The following RHOT1 variants were observed in gnomAD, a reference collection of about 807,000 sequenced individuals.
The protein encoded by RHOT1 is mitochondrial Rho GTPase 1.
In RHOT1, 27 loss-of-function variants were observed where a neutral mutation model predicts 95.3. The observed-to-expected ratio is 0.28, with a 90% CI of 0.21 to 0.39. The LOEUF is 0.39. RHOT1 is among the 10% of genes least tolerant of loss of function. The pLI, the probability that RHOT1 is intolerant of heterozygous loss-of-function variation, is 1.00. For missense variants in RHOT1, 578 were observed against 786.7 expected, an observed-to-expected ratio of 0.73 and a Z score of 3.17; for synonymous variants, 227 against 263.5, an observed-to-expected ratio of 0.86 and a Z score of 1.34.
At position 32,209,347 on chromosome 17, in the gene RHOT1, CAG is replaced by C. The variant is rs1481523102; in HGVS notation, c.1739+1043_1739+1044del. On this transcript the variant is annotated intron_variant, in intron 18 of 19. Transcript: ENST00000545287. ...TTAAAACTCTCATGTATGTTATCTA[CAG>C]AGAGGATCATTACAGAGACAGACTC... 2.6e-6 allele frequency: 4 copies of C among 1,566,042 alleles called. No homozygotes were observed. In the South Asian group the frequency reaches 4.5e-5, roughly 18 times the overall value.
At chr17:32,167,921 C>A (rs1479817587) in intron 1 of RHOT1, among the ~76,000 whole-genome samples, 1 of 151,992 alleles carries the variant, frequency 6.6e-6, no homozygotes, top group Non-Finnish European at 1.5e-5. Context: ...GTGATACTAG[C>A]TACTCAGGAG....
At chr17:32,154,543 C>T (rs1449230910) in intron 1 of RHOT1, among the ~76,000 whole-genome samples, 7 of 144,000 alleles carry the variant, frequency 4.9e-5, no homozygotes, top group East Asian at 2.1e-4. Flanking sequence ...GCAGAGACGG[C>T]GCCACTGCAC....
At chr17:32,173,758 T>C in intron 2 of RHOT1, 73 bp from the exon 3 acceptor site, 1 of 987,372 alleles carries the variant, frequency 1.0e-6, no homozygotes, top group Non-Finnish European at 1.6e-6. Flanking sequence ...GATAAATTTA[T>C]ATCATCTATT....
intron 1 of RHOT1, among the ~76,000 whole-genome samples, chr17:32,168,412 AGT>A (rs549931901): frequency 3.3e-5 from 5 of 152,050 alleles, no homozygotes; most frequent in African/African-American, 9.6e-5. Flanking sequence ...TGGGACTACA[AGT>A]GTGTGCCACC....
chr17:32,162,676 T>G (rs904808775), intron 1 of RHOT1, among the ~76,000 whole-genome samples: 1 of 152,206 alleles, frequency 6.6e-6, no homozygotes, highest in African/African-American at 2.4e-5. Context: ...CCTTTTCCCA[T>G]TCATGTAAAA....
At chr17:32,165,678 T>C (rs1183803825) in intron 1 of RHOT1, among the ~76,000 whole-genome samples, 2 of 152,218 alleles carry the variant, frequency 1.3e-5, no homozygotes, top group Admixed American at 6.5e-5. Context: ...TGTTGACTTA[T>C]ACCTGCATAA....
Position 32,224,648 on chromosome 17 carries a change from C to A in RHOT1, c.1895C>A (p.Thr632Lys), listed in dbSNP as rs147592052. The change falls in exon 20 of 20, where the codon ACG (threonine) becomes AAG (lysine). Residue 632 changes from threonine (T) to lysine (K), a missense_variant. By Grantham distance (78) the Thr-to-Lys change is moderately conservative (BLOSUM62 -1). Coordinates refer to ENST00000545287, the MANE Select transcript of RHOT1 (RefSeq NM_001033566.3). ...ACACAAGCTGACCTCAAGAGCTCCA[C>A]GTTTTGGCTTCGAGCAAGTTTTGGT... ...HVTQADLKSS[T>K]FWLRASFGAT... 6.2e-7 allele frequency: 1 copy of A among 1,613,494 alleles called. No homozygotes were observed. The highest frequency in any genetic ancestry group is 8.5e-7 in the Non-Finnish European group (1 of 1,179,650).
intron 6 of RHOT1, chr17:32,179,031 GC>G: frequency 6.7e-6 from 1 of 149,350 alleles, no homozygotes; most frequent in Non-Finnish European, 1.4e-5. Context: ...CTGCCTGGCC[GC>G]CCCGTCTGGG....
intron 15 of RHOT1, 134 bp downstream of exon 15, chr17:32,203,034 A>G (rs1203916726): frequency 2.5e-6 from 2 of 801,198 alleles, no homozygotes. Context: ...AGTACAGTCT[A>G]AATGTAACAG....
intron 6 of RHOT1, 133 bp downstream of exon 6, chr17:32,176,346 TTATC>T (rs2034998656): frequency 1.4e-6 from 1 of 691,902 alleles, no homozygotes. Context: ...CACGTTTGCC[TTATC>T]TATCAGTTTT....
intron 1 of RHOT1, chr17:32,151,210 C>A (rs2032248157): frequency 2.7e-6 from 2 of 754,154 alleles, no homozygotes; most frequent in East Asian, 2.6e-5. Context: ...GGAACATGGT[C>A]TGGCTAAACA....
chr17:32,207,151 C>T, intron 17 of RHOT1, 122 bp downstream of exon 17: 1 of 877,976 alleles, frequency 1.1e-6, no homozygotes, highest in Non-Finnish European at 1.7e-6. Context: ...AAAATACATA[C>T]ATCTTTACCC....
chr17:32,176,492 T>G (rs2035011793), intron 6 of RHOT1, among the ~76,000 whole-genome samples: 1 of 152,136 alleles, frequency 6.6e-6, no homozygotes, highest in Non-Finnish European at 1.5e-5. Context: ...ATTATTTTGG[T>G]CATAAATCTT....
At chr17:32,158,126 G>A (rs934915193) in intron 1 of RHOT1, among the ~76,000 whole-genome samples, 1 of 152,176 alleles carries the variant, frequency 6.6e-6, no homozygotes, top group Non-Finnish European at 1.5e-5. Context: ...AAAGTGCTGG[G>A]ATTACAGGCA....
At chr17:32,184,749 C>G (rs974515247) in intron 8 of RHOT1, among the ~76,000 whole-genome samples, 8 of 152,106 alleles carry the variant, frequency 5.3e-5, no homozygotes, top group Non-Finnish European at 1.0e-4. Context: ...CTTCCCGCCT[C>G]CACCTCTGCC....
intron 1 of RHOT1, among the ~76,000 whole-genome samples, chr17:32,162,592 T>C (rs1488480095): frequency 6.6e-6 from 1 of 152,130 alleles, no homozygotes; most frequent in Non-Finnish European, 1.5e-5. Flanking sequence ...ATGTCGAAAA[T>C]AACAGCAGTA....
intron 19 of RHOT1, among the ~76,000 whole-genome samples, chr17:32,211,703 AC>A (rs1416378806): frequency 6.6e-6 from 1 of 152,174 alleles, no homozygotes; most frequent in African/African-American, 2.4e-5. Flanking sequence ...TATTCTTGAA[AC>A]CATTTATAAT....
intron 8 of RHOT1, among the ~76,000 whole-genome samples, chr17:32,184,247 G>A (rs778498664): frequency 5.9e-5 from 9 of 151,532 alleles, no homozygotes; most frequent in Non-Finnish European, 8.8e-5. Context: ...CTATTGTCCC[G>A]TTACTCAGCC....
At position 32,194,069 on chromosome 17, in the gene RHOT1, T is replaced by C; in HGVS notation, c.831T>C (p.Asp277=). The C allele has an allele frequency of 6.2e-7, 1 of 1,614,198 alleles. No individual in the cohort carries two copies. The highest frequency in any genetic ancestry group is 8.5e-7 in the Non-Finnish European group (1 of 1,180,024). Residue 277 remains aspartate (D), a synonymous_variant, in exon 11 of 20, where the codon GAT becomes GAC. Transcript: ENST00000545287. ...CTGTGCTTCGACGATTTGGTTATGA[T>C]GATGACCTGGATTTGACACCTGAAT... ...TWTVLRRFGY[D]DDLDLTPEYL...
Sources: allele counts gnomAD v4.1 joint callset (sites outside exome capture counted in the v4.1 genomes callset), GRCh38; gene constraint gnomAD v4.1.1; transcripts MANE v1.5; gene names NCBI Gene and HGNC (gene_info 2026-07-23, HGNC 2026-07-21).